Variants in SEMA3E observed in about 807,000 individuals in gnomAD.
SEMA3E encodes semaphorin-3E.
Under a neutral mutation model 93.6 loss-of-function variants are expected in SEMA3E, and 49 were observed. The ratio of observed to expected loss-of-function variants is 0.52; its 90% confidence interval spans 0.42 to 0.66. The LOEUF is 0.66. Among genes scored for constraint, SEMA3E ranks in the 30% least tolerant of loss-of-function variants. SEMA3E has a pLI of 0.00. For missense variants in SEMA3E, 906 were observed against 964.8 expected, an observed-to-expected ratio of 0.94 and a Z score of 0.81; for synonymous variants, 363 against 330.7, an observed-to-expected ratio of 1.10 and a Z score of -1.06.
chr7:83,437,946 A>T (rs1425976563), intron 4 of SEMA3E, among the ~76,000 whole-genome samples: 3 of 152,196 alleles, frequency 2.0e-5, no homozygotes, highest in Non-Finnish European at 4.4e-5. Flanking sequence ...AACAGATTGA[A>T]ATAAGCCTAA....
chr7:83,452,212 G>A (rs1789377930), intron 4 of SEMA3E, among the ~76,000 whole-genome samples: 1 of 151,996 alleles, frequency 6.6e-6, no homozygotes, highest in African/African-American at 2.4e-5. Flanking sequence ...ATCAGAATAA[G>A]GACTGCAAAA....
chr7:83,428,139 C>T (rs2115732796), intron 4 of SEMA3E, among the ~76,000 whole-genome samples: 1 of 152,320 alleles, frequency 6.6e-6, no homozygotes, highest in South Asian at 2.1e-4. Flanking sequence ...GAGGGATGCC[C>T]TCAGAACCCA....
At chr7:83,387,176 A>C in intron 14 of SEMA3E, 126 bp from the exon 15 acceptor site, 1 of 800,058 alleles carries the variant, frequency 1.2e-6, no homozygotes, top group South Asian at 1.5e-5. Context: ...CATATGAAAA[A>C]AGAATAAAAT....
At chr7:83,551,852 T>C (rs987448830) in intron 1 of SEMA3E, among the ~76,000 whole-genome samples, 7 of 152,142 alleles carry the variant, frequency 4.6e-5, no homozygotes, top group African/African-American at 1.7e-4. Context: ...TACCTGCTAG[T>C]TGCCAATAGA....
At chr7:83,552,457 CA>C (rs1282654821) in intron 1 of SEMA3E, among the ~76,000 whole-genome samples, 1 of 152,052 alleles carries the variant, frequency 6.6e-6, no homozygotes, top group Non-Finnish European at 1.5e-5. Context: ...AACAGAATAA[CA>C]GCAATTTTTA....
At chr7:83,435,612 TAAAGAAAG>T in intron 4 of SEMA3E, among the ~76,000 whole-genome samples, 1 of 151,642 alleles carries the variant, frequency 6.6e-6, no homozygotes, top group East Asian at 1.9e-4. Context: ...ATAAAATAAA[TAAAGAAAG>T]AAAGAAAAGA....
intron 1 of SEMA3E, among the ~76,000 whole-genome samples, chr7:83,517,091 C>G (rs947302010): frequency 2.0e-5 from 3 of 152,216 alleles, no homozygotes; most frequent in Non-Finnish European, 4.4e-5. Context: ...CTTTAGTATT[C>G]CTATACCAAG....
intron 2 of SEMA3E, among the ~76,000 whole-genome samples, chr7:83,479,002 A>G (rs1318468217): frequency 3.9e-5 from 6 of 152,212 alleles, no homozygotes; most frequent in Admixed American, 3.9e-4. Context: ...ATTTATGCCC[A>G]TATTGAGAAT....
At chr7:83,428,576 A>C (rs1214150647) in intron 4 of SEMA3E, among the ~76,000 whole-genome samples, 1 of 152,074 alleles carries the variant, frequency 6.6e-6, no homozygotes, top group Non-Finnish European at 1.5e-5. Flanking sequence ...TCACTCTACC[A>C]TATCTTTTTT....
At chr7:83,578,449 G>A (rs936498457) in intron 1 of SEMA3E, among the ~76,000 whole-genome samples, 2 of 152,010 alleles carry the variant, frequency 1.3e-5, no homozygotes, top group African/African-American at 4.8e-5. Flanking sequence ...CCAGCTAATC[G>A]GGAGGCTGAG....
rs1247979978 is a variant in SEMA3E, at chr7:83,648,557, C to T, written c.-15G>A. 2.5e-6 allele frequency: 4 copies of T among 1,586,536 alleles called. No individual in the cohort carries two copies. The highest frequency in any genetic ancestry group is 1.1e-5 in the South Asian group (1 of 90,438). On this transcript the variant is annotated 5_prime_UTR_variant, in exon 1 of 17. Coordinates refer to ENST00000643230, the MANE Select transcript of SEMA3E (RefSeq NM_012431.3). Reference sequence around the variant, plus strand: ...GCGGATGCCATGCTGCCGTGTTCACCGTCCAAGCCCTCGCTCCTCACTTTA... The same window carrying T: ...GCGGATGCCATGCTGCCGTGTTCACTGTCCAAGCCCTCGCTCCTCACTTTA...
intron 1 of SEMA3E, among the ~76,000 whole-genome samples, chr7:83,597,040 C>G (rs187118124): frequency 5.3e-5 from 8 of 152,190 alleles, no homozygotes; most frequent in African/African-American, 1.9e-4. Flanking sequence ...GTTAGACCAA[C>G]GGAACCGGTG....
intron 16 of SEMA3E, among the ~76,000 whole-genome samples, chr7:83,370,444 C>A (rs989228295): frequency 7.2e-5 from 11 of 152,034 alleles, no homozygotes; most frequent in Admixed American, 4.6e-4. Flanking sequence ...TCAGTGGTGA[C>A]CCTTAAAACA....
chr7:83,363,859 C>CT lies in SEMA3E; in HGVS notation c.*3726_*3727insA, dbSNP rs1562743425. On this transcript the variant is annotated 3_prime_UTR_variant, in exon 17 of 17. Coordinates refer to ENST00000643230, the MANE Select transcript of SEMA3E (RefSeq NM_012431.3). The stretch of plus-strand genomic sequence containing the variant: ...AGGCTACAGGTGTCACAGGTCAATT[C>CT]ATTTTTTTTTTTTTTTTTTTTTTTT... The CT allele has an allele frequency of 9.0e-5, 9 of 100,558 alleles. No homozygotes were observed. The highest frequency in any genetic ancestry group is 3.3e-4 in the African/African-American group (7 of 21,430). The allele number at this position is 100,558 out of a possible 1,614,324, so 6.2% of individuals were successfully genotyped here. A position where few individuals can be genotyped will look rare whatever the true frequency, so the allele number is the denominator to read the frequency against.
chr7:83,495,271 AATTG>A (rs1232001912), intron 1 of SEMA3E, among the ~76,000 whole-genome samples: 1 of 151,870 alleles, frequency 6.6e-6, no homozygotes, highest in Non-Finnish European at 1.5e-5. Context: ...AGTCTTCATT[AATTG>A]ATCTTAAGTC....
chr7:83,445,276 C>G (rs1270161898), intron 4 of SEMA3E, among the ~76,000 whole-genome samples: 3 of 152,096 alleles, frequency 2.0e-5, no homozygotes, highest in South Asian at 4.1e-4. Context: ...GTTAAGTAAG[C>G]TTGAGGCAAA....
chr7:83,482,564 C>CAAAA (rs11429680), intron 2 of SEMA3E, among the ~76,000 whole-genome samples: 13 of 80,208 alleles, frequency 1.6e-4, no homozygotes, highest in African/African-American at 4.0e-4. Context: ...CACTCCGTCT[C>CAAAA]AAAAAAAAAA....
chr7:83,472,600 T>C (rs910397511), intron 2 of SEMA3E, among the ~76,000 whole-genome samples: 2 of 152,170 alleles, frequency 1.3e-5, no homozygotes, highest in African/African-American at 4.8e-5. Flanking sequence ...GGGAGCACCA[T>C]CTGATGTATC....
At chr7:83,474,968 T>C (rs1189414435) in intron 2 of SEMA3E, among the ~76,000 whole-genome samples, 3 of 151,430 alleles carry the variant, frequency 2.0e-5, no homozygotes, top group South Asian at 2.1e-4. Flanking sequence ...CATGTATATA[T>C]AGACTATACA....
Sources: allele counts gnomAD v4.1 joint callset (sites outside exome capture counted in the v4.1 genomes callset), GRCh38; gene constraint gnomAD v4.1.1; transcripts MANE v1.5; gene names NCBI Gene and HGNC (gene_info 2026-07-23, HGNC 2026-07-21).